Variants in MIPEP observed in about 807,000 individuals in gnomAD.
The protein encoded by MIPEP is mitochondrial intermediate peptidase.
MIPEP carries 79 observed loss-of-function variants against 90.3 expected under a neutral mutation model. The ratio of observed to expected loss-of-function variants is 0.87; its 90% CI spans 0.73 to 1.05. MIPEP has a LOEUF of 1.05. Among genes scored for constraint, MIPEP ranks in the 50% least tolerant of loss-of-function variants. The pLI, the probability that MIPEP is intolerant of heterozygous loss-of-function variation, is 0.00. For missense variants in MIPEP, 940 were observed against 905.6 expected, an observed-to-expected ratio of 1.04 and a Z score of -0.49; for synonymous variants, 334 against 315.8, an observed-to-expected ratio of 1.06 and a Z score of -0.61.
At chr13:23,737,847 C>T (rs1158105609) in intron 18 of MIPEP, among the ~76,000 whole-genome samples, 1 of 152,156 alleles carries the variant, frequency 6.6e-6, no homozygotes, top group Admixed American at 6.6e-5. Flanking sequence ...CATTTAATTT[C>T]ATAAATACAG....
chr13:23,751,958 C>T (rs1397878061), intron 18 of MIPEP, among the ~76,000 whole-genome samples: 1 of 151,556 alleles, frequency 6.6e-6, no homozygotes, highest in African/African-American at 2.4e-5. Context: ...GTTAAGAGAA[C>T]CATCAGGGCC....
intron 18 of MIPEP, among the ~76,000 whole-genome samples, chr13:23,748,874 C>T (rs1337596368): frequency 2.0e-5 from 3 of 152,018 alleles, no homozygotes; most frequent in South Asian, 2.1e-4. Context: ...ACCTGTCAGG[C>T]GTTAAGGCTT....
At chr13:23,756,443 CA>C (rs1300334712) in intron 18 of MIPEP, 101 bp downstream of exon 18, 1 of 1,239,314 alleles carries the variant, frequency 8.1e-7, no homozygotes, top group East Asian at 2.4e-5. Context: ...AGGCATGAAC[CA>C]CCACACCTGG....
chr13:23,849,750 G>A (rs1869721912), intron 10 of MIPEP, among the ~76,000 whole-genome samples: 1 of 152,176 alleles, frequency 6.6e-6, no homozygotes, highest in African/African-American at 2.4e-5. Context: ...CAGTCAAGAA[G>A]AGACTTTCAA....
At chr13:23,869,470 T>C (rs1398410923) in intron 6 of MIPEP, 22 bp from the exon 7 acceptor site, 2 of 1,586,436 alleles carry the variant, frequency 1.3e-6, no homozygotes, top group Non-Finnish European at 1.7e-6. Flanking sequence ...AAGTAAATGG[T>C]GAAGGCTATA....
intron 14 of MIPEP, among the ~76,000 whole-genome samples, chr13:23,810,750 G>C (rs1165867771): frequency 6.6e-6 from 1 of 152,252 alleles, no homozygotes; most frequent in Non-Finnish European, 1.5e-5. Flanking sequence ...AACGTGGGCT[G>C]TCTGCTGGAA....
At chr13:23,760,263 A>G in intron 16 of MIPEP, 46 bp from the exon 17 acceptor site, 2 of 1,613,108 alleles carry the variant, frequency 1.2e-6, no homozygotes, top group Non-Finnish European at 1.7e-6. Context: ...GTCAGTTTCC[A>G]CTTGGAGAAT....
intron 11 of MIPEP, among the ~76,000 whole-genome samples, chr13:23,840,987 A>G (rs185418344): frequency 6.6e-5 from 10 of 152,326 alleles, no homozygotes; most frequent in Admixed American, 1.3e-4. Context: ...CACTTATCCA[A>G]TGGATTTGGG....
chr13:23,841,571 C>T, intron 10 of MIPEP, 83 bp from the exon 11 acceptor site: 1 of 1,360,192 alleles, frequency 7.4e-7, no homozygotes, highest in Non-Finnish European at 1.0e-6. Context: ...TCATTTAATA[C>T]TTAAGATCAC....
chr13:23,814,452 G>A (rs974441190), intron 14 of MIPEP, among the ~76,000 whole-genome samples: 36 of 151,744 alleles, frequency 2.4e-4, no homozygotes, highest in Non-Finnish European at 4.4e-4. Context: ...TAGTAGAGAC[G>A]GGGTTTCACT....
intron 18 of MIPEP, among the ~76,000 whole-genome samples, chr13:23,752,466 T>C (rs553446503): frequency 6.6e-6 from 1 of 152,228 alleles, no homozygotes; most frequent in Non-Finnish European, 1.5e-5. Flanking sequence ...GAAGTGGCTG[T>C]AATGGAAACT....
intron 10 of MIPEP, among the ~76,000 whole-genome samples, chr13:23,843,152 A>C (rs544969958): frequency 6.7e-6 from 1 of 149,028 alleles, no homozygotes; most frequent in East Asian, 2.1e-4. Context: ...GGCTGGGATG[A>C]GGAATGGAAA....
At chr13:23,802,356 T>C (rs1012052419) in intron 16 of MIPEP, among the ~76,000 whole-genome samples, 2 of 152,062 alleles carry the variant, frequency 1.3e-5, no homozygotes, top group African/African-American at 4.8e-5. Context: ...AGGCAGATCA[T>C]TTGAGGTCAG....
intron 16 of MIPEP, among the ~76,000 whole-genome samples, chr13:23,764,635 T>C (rs1952576652): frequency 6.6e-6 from 1 of 152,238 alleles, no homozygotes; most frequent in African/African-American, 2.4e-5. Flanking sequence ...CATGTCTCAC[T>C]GTAACCTGGA....
At chr13:23,796,403 C>A (rs1326969361) in intron 16 of MIPEP, among the ~76,000 whole-genome samples, 1 of 151,692 alleles carries the variant, frequency 6.6e-6, no homozygotes. Context: ...GGCAACAGAG[C>A]GAGACTCCAT....
chr13:23,837,875 ATATTCT>A lies in MIPEP; in HGVS notation c.1339-125_1339-120del, dbSNP rs372782214. The A allele has an allele frequency of 6.5e-4, 441 of 673,924 alleles. No individual in the cohort carries two copies. In the African/African-American group the frequency reaches 7.2e-3, roughly 11 times the overall value. The allele number at this position is 673,924 out of a possible 1,614,324, so 41.7% of individuals were successfully genotyped here. On this transcript the variant is annotated intron_variant, in intron 12 of 18. Transcript: ENST00000382172. ...TGTGAGTGCAAACTTTAACTTAATT[ATATTCT>A]TATTCTATCTATTTACATATATACA...
At chr13:23,835,299 G>T (rs1380868065) in intron 14 of MIPEP, among the ~76,000 whole-genome samples, 2 of 151,802 alleles carry the variant, frequency 1.3e-5, no homozygotes, top group African/African-American at 4.8e-5. Context: ...GGGATTACAG[G>T]CATGAGCCAC....
intron 16 of MIPEP, among the ~76,000 whole-genome samples, chr13:23,774,784 C>CTTTTTTT (rs67628137): frequency 7.3e-5 from 5 of 68,250 alleles, no homozygotes; most frequent in Non-Finnish European, 1.0e-4. Flanking sequence ...TTTATCAGTT[C>CTTTTTTT]TTTTTTTTTT....
intron 5 of MIPEP, among the ~76,000 whole-genome samples, chr13:23,874,176 T>G (rs1870955137): frequency 6.6e-6 from 1 of 152,178 alleles, no homozygotes; most frequent in Non-Finnish European, 1.5e-5. Context: ...TGGGGGAGAC[T>G]GTGGGGCAGG....
Sources: gnomAD v4.1 joint callset for allele counts (sites outside exome capture counted in the v4.1 genomes callset) on GRCh38, gnomAD v4.1.1 for gene constraint, MANE v1.5 for transcripts, NCBI Gene and HGNC (gene_info 2026-07-23, HGNC 2026-07-21) for gene names.